PPFIA2: variants seen among roughly 807,000 people sequenced by gnomAD.
PPFIA2 encodes the protein liprin-alpha-2.
Under a neutral mutation model 175.5 loss-of-function variants are expected in PPFIA2, and 46 were observed. The ratio of observed to expected loss-of-function variants is 0.26; its 90% CI spans 0.21 to 0.34. PPFIA2 has a LOEUF of 0.34. Among genes scored for constraint, PPFIA2 ranks in the 10% least tolerant of loss-of-function variants. The pLI is 1.00. For synonymous variants in PPFIA2, 568 were observed against 511.4 expected (o/e 1.11, Z -1.49); for missense variants, 1,179 against 1,506.1 (o/e 0.78, Z 3.60).
At chr12:81,439,496 T>G (rs1305247788) in intron 7 of PPFIA2, among the ~76,000 whole-genome samples, 1 of 152,020 alleles carries the variant, frequency 6.6e-6, no homozygotes, top group Non-Finnish European at 1.5e-5. Flanking sequence ...AAAACTTTTT[T>G]GGGGGTTGTG....
At chr12:81,615,352 A>G (rs2061341136) in intron 4 of PPFIA2, among the ~76,000 whole-genome samples, 1 of 152,220 alleles carries the variant, frequency 6.6e-6, no homozygotes, top group Non-Finnish European at 1.5e-5. Context: ...GATGTCACAT[A>G]GCCAGGTGGA....
intron 4 of PPFIA2, among the ~76,000 whole-genome samples, chr12:81,588,571 T>C (rs573633009): frequency 2.0e-5 from 3 of 152,230 alleles, no homozygotes; most frequent in East Asian, 1.9e-4. Flanking sequence ...CTGAACTTAA[T>C]ATATTGTTTT....
At chr12:81,637,351 G>T (rs1034686976) in intron 4 of PPFIA2, among the ~76,000 whole-genome samples, 4 of 136,824 alleles carry the variant, frequency 2.9e-5, no homozygotes, top group Non-Finnish European at 6.1e-5. Context: ...TGTTCCGCCC[G>T]CCTCGGCCTC....
chr12:81,700,280 T>C (rs1400441190), intron 3 of PPFIA2, among the ~76,000 whole-genome samples: 2 of 152,096 alleles, frequency 1.3e-5, no homozygotes, highest in Non-Finnish European at 2.9e-5. Flanking sequence ...ACATAAAATA[T>C]AATGTTATAT....
chr12:81,259,798 T>C, intron 32 of PPFIA2, 138 bp from the exon 33 acceptor site: 1 of 626,998 alleles, frequency 1.6e-6, no homozygotes, highest in Non-Finnish European at 2.6e-6. Context: ...TCATCTAGGA[T>C]GTAGCCAACA....
chr12:81,335,950 T>G (rs2057060011), intron 21 of PPFIA2, among the ~76,000 whole-genome samples: 1 of 152,184 alleles, frequency 6.6e-6, no homozygotes, highest in Non-Finnish European at 1.5e-5. Context: ...TACTTACAAA[T>G]GGAATTTGAA....
chr12:81,468,516 T>C (rs1238947760), intron 4 of PPFIA2, among the ~76,000 whole-genome samples: 1 of 152,170 alleles, frequency 6.6e-6, no homozygotes, highest in African/African-American at 2.4e-5. Flanking sequence ...TAAAAGACTT[T>C]AGCATCTGGT....
intron 4 of PPFIA2, among the ~76,000 whole-genome samples, chr12:81,630,057 G>A (rs976783811): frequency 6.6e-6 from 1 of 152,136 alleles, no homozygotes; most frequent in African/African-American, 2.4e-5. Context: ...GCTGGTTTGT[G>A]GCTGAAGGGA....
intron 4 of PPFIA2, among the ~76,000 whole-genome samples, chr12:81,569,995 C>T (rs1022745607): frequency 6.6e-6 from 1 of 152,092 alleles, no homozygotes; most frequent in Non-Finnish European, 1.5e-5. Flanking sequence ...AGCTCTTTCT[C>T]CCTGTTTCCA....
chr12:81,654,098 T>TA (rs1030641050), intron 4 of PPFIA2, among the ~76,000 whole-genome samples: 78 of 148,614 alleles, frequency 5.2e-4, no homozygotes, highest in African/African-American at 8.4e-4. Context: ...GGAAAAAAAT[T>TA]AAAAAAAAAT....
chr12:81,741,832 G>A (rs1026894396), intron 3 of PPFIA2, among the ~76,000 whole-genome samples: 3 of 152,158 alleles, frequency 2.0e-5, no homozygotes, highest in Non-Finnish European at 4.4e-5. Flanking sequence ...ACTATACTAG[G>A]TGGTTATAAG....
intron 24 of PPFIA2, among the ~76,000 whole-genome samples, chr12:81,287,378 C>T (rs2043721143): frequency 1.3e-5 from 2 of 151,862 alleles, no homozygotes; most frequent in Non-Finnish European, 2.9e-5. Flanking sequence ...CAGTCTGTCA[C>T]CATATTCTGG....
chr12:81,430,239 G>T (rs1472412507), intron 7 of PPFIA2: 5 of 151,840 alleles, frequency 3.3e-5, no homozygotes, highest in African/African-American at 1.2e-4. Flanking sequence ...TTTCAATTTT[G>T]TCCCATTATA....
intron 3 of PPFIA2, among the ~76,000 whole-genome samples, chr12:81,742,238 T>TA (rs2082411494): frequency 6.6e-6 from 1 of 152,226 alleles, no homozygotes; most frequent in African/African-American, 2.4e-5. Flanking sequence ...TGAGCAGATA[T>TA]GAAACAAACT....
rs138881456 is a variant in PPFIA2 at position 81,387,861 on chromosome 12, T to C, written c.763-3617A>G. 3.9e-3 allele frequency among the ~76,000 whole-genome samples: 592 copies of C among 152,220 alleles called. 37 individuals are homozygous for C. The East Asian group carries it at 0.11, about 28-fold the overall frequency. On this transcript the variant is annotated intron_variant, in intron 8 of 32. Transcript: ENST00000549396. ...GTTCAGTGTACAGATAGTTGTGTAC[T>C]GTAGAAGTTCACAATTCCCTCCCTC...
intron 4 of PPFIA2, among the ~76,000 whole-genome samples, chr12:81,591,205 T>G (rs1311953648): frequency 2.0e-5 from 3 of 152,136 alleles, no homozygotes; most frequent in Non-Finnish European, 4.4e-5. Flanking sequence ...TAAAGATTTG[T>G]GGAACTTTGA....
intron 16 of PPFIA2, among the ~76,000 whole-genome samples, chr12:81,355,686 T>C (rs1303097919): frequency 6.6e-6 from 1 of 152,222 alleles, no homozygotes; most frequent in African/African-American, 2.4e-5. Context: ...TTTTATGTTG[T>C]GAAGATGGCT....
chr12:81,444,917 A>T (rs767561464), intron 6 of PPFIA2, among the ~76,000 whole-genome samples: 1 of 152,108 alleles, frequency 6.6e-6, no homozygotes, highest in Non-Finnish European at 1.5e-5. Context: ...GGATATTATC[A>T]TCATATTGGT....
chr12:81,349,675 C>G (rs1477300748), intron 17 of PPFIA2, among the ~76,000 whole-genome samples: 2 of 152,054 alleles, frequency 1.3e-5, no homozygotes, highest in Non-Finnish European at 1.5e-5. Flanking sequence ...ATGCTGTACA[C>G]AGAAATTTTG....
Sources: gnomAD v4.1 joint callset for allele counts (sites outside exome capture counted in the v4.1 genomes callset) on GRCh38, gnomAD v4.1.1 for gene constraint, MANE v1.5 for transcripts, NCBI Gene and HGNC (gene_info 2026-07-23, HGNC 2026-07-21) for gene names.